RASGRF1: variants seen among roughly 807,000 people sequenced by gnomAD.
RASGRF1 encodes ras-specific guanine nucleotide-releasing factor 1.
RASGRF1 carries 40 observed loss-of-function variants against 138.7 expected under a neutral mutation model. The observed-to-expected ratio is 0.29, with a 90% CI of 0.22 to 0.38. The LOEUF (loss-of-function observed/expected upper bound fraction) is 0.38, where lower values mean the gene tolerates loss of function less well. Ranked by LOEUF, RASGRF1 falls within the 10% of genes least tolerant of loss-of-function variation. The pLI, the probability that RASGRF1 is intolerant of heterozygous loss-of-function variation, is 1.00. For synonymous variants in RASGRF1, 614 were observed against 663.2 expected (o/e 0.93, Z 1.14); for missense variants, 1,108 against 1,650.4 (o/e 0.67, Z 5.69).
At chr15:79,045,139 A>C (rs545141282) in intron 5 of RASGRF1, among the ~76,000 whole-genome samples, 1 of 152,232 alleles carries the variant, frequency 6.6e-6, no homozygotes, top group African/African-American at 2.4e-5. Context: ...ACAGACAGCC[A>C]CCTCTGTTTA....
chr15:79,083,512 G>A (rs1175530480), intron 1 of RASGRF1, among the ~76,000 whole-genome samples: 2 of 152,170 alleles, frequency 1.3e-5, no homozygotes, highest in East Asian at 3.8e-4. Flanking sequence ...TCAGAGTTGC[G>A]AGGTTCCCAC....
At chr15:78,992,348 C>T (rs867952423) in intron 20 of RASGRF1, among the ~76,000 whole-genome samples, 28 of 152,224 alleles carry the variant, frequency 1.8e-4, no homozygotes, top group Admixed American at 7.2e-4. Context: ...TCCCTGGCCC[C>T]CAGGGGCCAC....
Position 79,058,361 on chromosome 15 carries a change from C to T in RASGRF1, c.504G>A (p.Glu168=). Residue 168 remains glutamate, a synonymous_variant, in exon 3 of 27, where the codon GAG becomes GAA. Transcript: ENST00000558480. ...KQLRQQIEDG[E]IEIERLKAEI... ...CTGCCTTCAGCCGCTCGATCTCGAT[C>T]TCCCCATCCTCGATCTGCTGCCGAA... The T allele has an allele frequency of 6.2e-7, 1 of 1,614,026 alleles. No homozygotes were observed. The highest frequency in any genetic ancestry group is 8.5e-7 in the Non-Finnish European group (1 of 1,180,030).
intron 24 of RASGRF1, among the ~76,000 whole-genome samples, chr15:78,974,188 T>G (rs1377923407): frequency 6.6e-6 from 1 of 152,092 alleles, no homozygotes; most frequent in Non-Finnish European, 1.5e-5. Flanking sequence ...TGGGTAAGGG[T>G]TGATGGAGCC....
chr15:78,977,178 C>T (rs1347899145), intron 24 of RASGRF1, among the ~76,000 whole-genome samples: 2 of 152,242 alleles, frequency 1.3e-5, no homozygotes, highest in Admixed American at 6.5e-5. Context: ...ATGAGTCCAC[C>T]TCCCCTTCCT....
At chr15:79,033,243 CTTTATTTA>C (rs950952870) in intron 6 of RASGRF1, among the ~76,000 whole-genome samples, 1 of 152,022 alleles carries the variant, frequency 6.6e-6, no homozygotes, top group Admixed American at 6.6e-5. Context: ...TCTTCCTTAT[CTTTATTTA>C]TTTATTTATT....
At chr15:79,012,944 A>G (rs2056823261) in intron 13 of RASGRF1, among the ~76,000 whole-genome samples, 1 of 152,168 alleles carries the variant, frequency 6.6e-6, no homozygotes, top group African/African-American at 2.4e-5. Flanking sequence ...CGGCCTCCCA[A>G]AGTTCATCTG....
chr15:79,089,939 T>A (rs1256175138), intron 1 of RASGRF1, among the ~76,000 whole-genome samples: 3 of 152,122 alleles, frequency 2.0e-5, no homozygotes, highest in Middle Eastern at 3.2e-3. Flanking sequence ...TTCCTCTGCA[T>A]CTCCAGGTGT....
At chr15:79,016,376 C>G (rs1260739210) in intron 12 of RASGRF1, among the ~76,000 whole-genome samples, 9 of 152,380 alleles carry the variant, frequency 5.9e-5, no homozygotes, top group African/African-American at 1.9e-4. Context: ...CCACTTCTCC[C>G]ACCCATCTGA....
intron 26 of RASGRF1, among the ~76,000 whole-genome samples, chr15:78,969,281 C>A (rs1485175445): frequency 6.6e-6 from 1 of 152,188 alleles, no homozygotes; most frequent in Non-Finnish European, 1.5e-5. Context: ...CAGAATGTCC[C>A]ATATTCTGAA....
intron 6 of RASGRF1, among the ~76,000 whole-genome samples, chr15:79,033,491 T>C (rs2057171128): frequency 6.6e-6 from 1 of 152,082 alleles, no homozygotes. Flanking sequence ...CCTCAAGTGA[T>C]CTGCCTACCC....
intron 2 of RASGRF1, among the ~76,000 whole-genome samples, chr15:79,062,952 G>A (rs2057627936): frequency 6.6e-6 from 1 of 151,796 alleles, no homozygotes; most frequent in South Asian, 2.1e-4. Context: ...TTGTCGTAGG[G>A]GGGTGGGTGG....
rs925135624 is a variant in RASGRF1, at chr15:78,962,006, G to A, written c.*138C>T. The A allele has an allele frequency of 4.7e-6, 3 of 632,326 alleles. No individual in the cohort carries two copies. In the African/African-American group the frequency reaches 5.5e-5, roughly 12 times the overall value. 39.2% of individuals were successfully genotyped at this position (632,326 alleles called of 1,614,324 possible). On this transcript the variant is annotated 3_prime_UTR_variant, in exon 27 of 27. Transcript: ENST00000558480. ...CAGAAATTCATATTCCGGTTCTACAGGAATCTAAGAACAAGGACGATTTGT... is the reference window on the plus strand; with the variant it reads ...CAGAAATTCATATTCCGGTTCTACAAGAATCTAAGAACAAGGACGATTTGT...
At chr15:78,995,843 G>A (rs78449814) in intron 19 of RASGRF1, 43 bp from the exon 20 acceptor site, 236,597 of 1,603,832 alleles carry the variant, frequency 0.15, 18,321 homozygotes, top group Admixed American at 0.16. Flanking sequence ...ACTTCACGTT[G>A]CAGCAGCCCC....
In RASGRF1 at chr15:78,978,219, T is replaced by TCTTTTC. The variant is rs1567435518; in HGVS notation, c.3494+2400_3494+2401insGAAAAG. Among the ~76,000 whole-genome samples the TCTTTTC allele has an allele frequency of 5.2e-4, 35 of 67,558 alleles. 1 individual carries two copies. Among genetic ancestry groups the TCTTTTC allele is most frequent in the African/African-American group, 1.3e-3 (25 of 18,670 alleles). 44.3% of individuals were successfully genotyped at this position (67,558 alleles called of 152,430 possible). On this transcript the variant is annotated intron_variant, in intron 24 of 26. Transcript: ENST00000558480. ...TCTTCTTTTTCTTTTTCTTTTCTTTTGTTTTTTTTTTTTTTTTTTTTTTTT... is the reference window on the plus strand; with the variant it reads ...TCTTCTTTTTCTTTTTCTTTTCTTTTCTTTTCGTTTTTTTTTTTTTTTTTTTTTTTT...
chr15:79,055,448 A>G (rs1394368665), intron 3 of RASGRF1, among the ~76,000 whole-genome samples: 1 of 152,192 alleles, frequency 6.6e-6, no homozygotes, highest in Non-Finnish European at 1.5e-5. Context: ...CACTATGGCC[A>G]GAAAGCTTTC....
chr15:78,962,218 C>A lies in RASGRF1; in HGVS notation c.3700G>T (p.Asp1234Tyr). Residue 1234 changes from aspartate (D) to tyrosine (Y), a missense_variant, in exon 27 of 27, where the codon GAC becomes TAC. Asp to Tyr is a radical substitution (Grantham distance 160, BLOSUM62 -3). Around this residue, in one of 3 missense-constraint regions of RASGRF1, gnomAD observed 686 missense variants for 976.7 expected, o/e 0.70. Transcript: ENST00000558480. ...TCTTCATCCATTACAAAAGATTGGT[C>A]CAGTAAATATTGCGTTACCTGAGAA... is the stretch of plus-strand genomic sequence containing the variant. ...HQAKVTQYLLDQSFVMDEESL... is the reference protein window; with the variant it reads ...HQAKVTQYLLYQSFVMDEESL... The A allele has an allele frequency of 6.3e-7, 1 of 1,575,688 alleles. No individual in the cohort carries two copies. Among genetic ancestry groups the A allele is most frequent in the South Asian group, 1.1e-5 (1 of 87,128 alleles).
chr15:78,962,112 C>A lies in RASGRF1; in HGVS notation c.*32G>T. ...TACAGTATCATCTAGCACATGTCCC[C>A]GGGAGCAGCTGGGTCTGGGCTGGGC... On this transcript the variant is annotated 3_prime_UTR_variant, in exon 27 of 27. Coordinates refer to ENST00000558480, the MANE Select transcript of RASGRF1 (RefSeq NM_001145648.3). The A allele has an allele frequency of 2.2e-6, 3 of 1,375,430 alleles. No individual in the cohort carries two copies. The highest frequency in any genetic ancestry group is 4.8e-5 in the East Asian group (2 of 41,266). 85.2% of individuals were successfully genotyped at this position (1,375,430 alleles called of 1,614,324 possible).
chr15:79,017,296 G>A (rs567367792), intron 12 of RASGRF1, among the ~76,000 whole-genome samples: 6 of 152,284 alleles, frequency 3.9e-5, no homozygotes, highest in Non-Finnish European at 5.9e-5. Context: ...TAGCTGCCCC[G>A]ACTCACTGAA....
Sources: allele counts gnomAD v4.1 joint callset (sites outside exome capture counted in the v4.1 genomes callset), GRCh38; gene constraint gnomAD v4.1.1; regional missense constraint gnomAD v4.1.1; transcripts MANE v1.5; gene names NCBI Gene and HGNC (gene_info 2026-07-23, HGNC 2026-07-21).